The following CDH23 variants were observed in gnomAD, a reference collection of about 807,000 sequenced individuals.
CDH23 encodes cadherin-23.
Under a neutral mutation model 317.1 loss-of-function variants are expected in CDH23, and 189 were observed. The ratio of observed to expected loss-of-function variants is 0.60; its 90% CI spans 0.53 to 0.67. The LOEUF is 0.67. CDH23 is among the 30% of genes least tolerant of loss of function. The pLI, the probability that CDH23 is intolerant of heterozygous loss-of-function variation, is 0.00. For missense variants in CDH23, 4,401 were observed against 4,592.4 expected (o/e 0.96, Z 1.20); for synonymous variants, 1,839 against 1,876.8 (o/e 0.98, Z 0.52).
intron 41 of CDH23, 95 bp downstream of exon 41, chr10:71,779,542 C>A: frequency 9.4e-7 from 1 of 1,069,176 alleles, no homozygotes; most frequent in Non-Finnish European, 1.3e-6. Context: ...TTTGGCCTCA[C>A]CATTGTGTGA....
intron 11 of CDH23, among the ~76,000 whole-genome samples, chr10:71,634,709 C>A (rs1862179119): frequency 6.6e-6 from 1 of 152,228 alleles, no homozygotes; most frequent in Non-Finnish European, 1.5e-5. Flanking sequence ...GAGTTAAGAA[C>A]TCAGGCCACA....
At chr10:71,743,589 G>A (rs1416927546) in intron 38 of CDH23, among the ~76,000 whole-genome samples, 1 of 152,158 alleles carries the variant, frequency 6.6e-6, no homozygotes, top group Non-Finnish European at 1.5e-5. Flanking sequence ...CACACCCAGT[G>A]GGCTAAACAA....
chr10:71,441,590 C>T (rs191410393), intron 2 of CDH23, among the ~76,000 whole-genome samples: 4 of 152,078 alleles, frequency 2.6e-5, no homozygotes, highest in East Asian at 1.9e-4. Context: ...ATGGTGGTGG[C>T]GCACACTTGT....
Position 71,626,373 on chromosome 10 carries a change from C to T in CDH23, c.1134+8980C>T, listed in dbSNP as rs142251455. Among the ~76,000 whole-genome samples, 10 of 152,278 alleles carry T rather than the reference C, an allele frequency of 6.6e-5. No homozygotes were observed. The East Asian group carries it at 1.5e-3, about 23-fold the overall frequency. On this transcript the variant is annotated intron_variant, in intron 11 of 69. Transcript: ENST00000224721. ...TAGAGCTGGCATCCTTAGCCTTAGC[C>T]GTACACCGTGTGGGGATGGACAGGG...
At chr10:71,460,443 A>G (rs1000760298) in intron 3 of CDH23, among the ~76,000 whole-genome samples, 5 of 152,250 alleles carry the variant, frequency 3.3e-5, no homozygotes, top group Admixed American at 3.3e-4. Context: ...CACACTTGCT[A>G]GGATTGATTT....
chr10:71,462,191 G>T (rs965977136), intron 3 of CDH23, among the ~76,000 whole-genome samples: 1 of 152,252 alleles, frequency 6.6e-6, no homozygotes, highest in Non-Finnish European at 1.5e-5. Flanking sequence ...CGGGAGGCGA[G>T]GTGCTGAGAT....
At chr10:71,494,731 G>A (rs963755928) in intron 3 of CDH23, among the ~76,000 whole-genome samples, 2 of 152,170 alleles carry the variant, frequency 1.3e-5, no homozygotes. Flanking sequence ...GGACCTAAGC[G>A]TGAGTGCCTC....
rs552718415 is a variant in CDH23 at position 71,439,893 on chromosome 10, G to A, written c.62G>A (p.Cys21Tyr). The change falls in exon 2 of 70, where the codon TGC (cysteine) becomes TAC (tyrosine). Residue 21 changes from cysteine (C) to tyrosine (Y), a missense_variant. Around this residue, in one of 3 missense-constraint regions of CDH23, gnomAD observed 3,068 missense variants for 3,203.3 expected, o/e 0.96. Transcript: ENST00000224721. Reference sequence around the variant, plus strand: ...TGGCTTTTGGTGCTGATCTCTGGATGCTGGGGTAAGTCCAGTCCTCCCCGT... The same window carrying A: ...TGGCTTTTGGTGCTGATCTCTGGATACTGGGGTAAGTCCAGTCCTCCCCGT... ...VAWLLVLISG[C>Y]WGQVNRLPFF... 1 of 1,572,406 alleles carries A rather than the reference G, an allele frequency of 6.4e-7. No individual in the cohort carries two copies. The highest frequency in any genetic ancestry group is 1.2e-5 in the South Asian group (1 of 85,410).
At chr10:71,742,027 A>G (rs1839750648) in intron 38 of CDH23, 106 bp downstream of exon 38, 1 of 927,398 alleles carries the variant, frequency 1.1e-6, no homozygotes, top group East Asian at 2.6e-5. Flanking sequence ...ACAGCAGGCG[A>G]ATCCTTGACA....
chr10:71,640,409 C>T (rs866469689), intron 11 of CDH23, among the ~76,000 whole-genome samples: 20 of 152,350 alleles, frequency 1.3e-4, no homozygotes, highest in Middle Eastern at 3.4e-3. Flanking sequence ...CCTGATGGTT[C>T]TCAGACATTA....
At chr10:71,464,171 G>T (rs1180188902) in intron 3 of CDH23, among the ~76,000 whole-genome samples, 1 of 152,164 alleles carries the variant, frequency 6.6e-6, no homozygotes, top group East Asian at 1.9e-4. Flanking sequence ...CCTAACCAAG[G>T]TGTTCTGCTA....
intron 66 of CDH23, 145 bp from the exon 67 acceptor site, chr10:71,812,335 C>A: frequency 1.3e-6 from 2 of 1,599,050 alleles, no homozygotes; most frequent in Non-Finnish European, 1.7e-6. Context: ...GGAGCATGCA[C>A]CACAGGCACC....
At position 71,690,449 on chromosome 10, in the gene CDH23, C is replaced by G. The variant is rs2290024; in HGVS notation, c.2060-19C>G. ...CAGGGTGAGCAGCACCCCCTGCCCC[C>G]ACCTTTTTCCCCCTGAAGGAGCCAC... On this transcript the variant is annotated intron_variant, in intron 19 of 69. Transcript: ENST00000224721. 0.025 allele frequency: 39,040 copies of G among 1,565,888 alleles called. 2,565 individuals are homozygous for G. The East Asian group carries it at 0.26, about 11-fold the overall frequency.
chr10:71,487,761 C>G (rs1313263372), intron 3 of CDH23, among the ~76,000 whole-genome samples: 1 of 152,124 alleles, frequency 6.6e-6, no homozygotes, highest in Admixed American at 6.5e-5. Context: ...TCTTGCCCAC[C>G]ATGGGAACCC....
At chr10:71,547,323 C>T (rs936284056) in intron 6 of CDH23, among the ~76,000 whole-genome samples, 2 of 152,232 alleles carry the variant, frequency 1.3e-5, no homozygotes, top group Admixed American at 6.5e-5. Flanking sequence ...AGGATTCTAG[C>T]AGACGGATGG....
At chr10:71,439,976 T>A in intron 2 of CDH23, 78 bp downstream of exon 2, 1 of 1,159,852 alleles carries the variant, frequency 8.6e-7, no homozygotes, top group Non-Finnish European at 1.3e-6. Flanking sequence ...TTGGGGCTGG[T>A]GGTTCATCTT....
At chr10:71,469,213 C>T (rs949376819) in intron 3 of CDH23, among the ~76,000 whole-genome samples, 3 of 152,210 alleles carry the variant, frequency 2.0e-5, no homozygotes, top group African/African-American at 2.4e-5. Context: ...CATAGGCACA[C>T]GCCCTTGAAA....
At chr10:71,730,646 G>C in intron 31 of CDH23, 42 bp downstream of exon 31, 1 of 1,610,884 alleles carries the variant, frequency 6.2e-7, no homozygotes, top group Non-Finnish European at 8.5e-7. Context: ...ATTGCTCAGA[G>C]CAAACCTCCC....
At chr10:71,750,955 C>T (rs771728503) in intron 38 of CDH23, 3 of 360,150 alleles carry the variant, frequency 8.3e-6, no homozygotes, top group Non-Finnish European at 1.5e-5. Flanking sequence ...AAGGGCTGGA[C>T]GTTCTGAGAC....
Sources: allele counts gnomAD v4.1 joint callset (sites outside exome capture counted in the v4.1 genomes callset), GRCh38; gene constraint gnomAD v4.1.1; regional missense constraint gnomAD v4.1.1; transcripts MANE v1.5; gene names NCBI Gene and HGNC (gene_info 2026-07-23, HGNC 2026-07-21).